The following DCTN6 variants were observed in gnomAD, a reference collection of about 807,000 sequenced individuals.
DCTN6 encodes the protein dynactin subunit 6, also known as dynactin 6.
DCTN6 carries 15 observed loss-of-function variants against 25.8 expected under a neutral mutation model. The ratio of observed to expected loss-of-function variants is 0.58; its 90% confidence interval spans 0.39 to 0.89. The LOEUF (loss-of-function observed/expected upper bound fraction) is 0.89, where lower values mean the gene tolerates loss of function less well. Among genes scored for constraint, DCTN6 ranks in the 40% least tolerant of loss-of-function variants. The pLI is 0.00. For synonymous variants in DCTN6, 64 were observed against 78.3 expected (o/e 0.82, Z 0.96); for missense variants, 198 against 237.6 (o/e 0.83, Z 1.09).
chr8:30,162,974 G>A lies in DCTN6; in HGVS notation c.24-1137G>A, dbSNP rs1803616167. 2.1e-5 allele frequency among the ~76,000 whole-genome samples: 3 copies of A among 141,904 alleles called. No homozygotes were observed. In the East Asian group the frequency reaches 6.1e-4, roughly 29 times the overall value. The allele number at this position is 141,904 out of a possible 152,430, so 93.1% of individuals were successfully genotyped here. ...ACTCTTTTTTACTTTTAACAATATA[G>A]CTTGGAGATCATTCCATATTTTTTT... On this transcript the variant is annotated intron_variant, in intron 1 of 6. Coordinates refer to ENST00000221114, the MANE Select transcript of DCTN6 (RefSeq NM_006571.4).
At chr8:30,157,333 A>G (rs191268020) in intron 1 of DCTN6, among the ~76,000 whole-genome samples, 180 of 152,288 alleles carry the variant, frequency 1.2e-3, no homozygotes, top group Non-Finnish European at 2.1e-3. Context: ...TTATCCAGTC[A>G]TCCGTTGATG....
Position 30,170,910 on chromosome 8 carries a change from C to T in DCTN6, c.89-4175C>T, listed in dbSNP as rs112118960. On this transcript the variant is annotated intron_variant, in intron 2 of 6. Transcript: ENST00000221114. ...TCGGTCTCCCAAAGTGCTGGGATTACAGATGTGAGCTACCACACCTGGCCT... is the reference window on the plus strand; with the variant it reads ...TCGGTCTCCCAAAGTGCTGGGATTATAGATGTGAGCTACCACACCTGGCCT... Among the ~76,000 whole-genome samples the T allele has an allele frequency of 9.6e-3, 1,461 of 152,232 alleles. 20 individuals are homozygous for T. The highest frequency in any genetic ancestry group is 0.065 in the South Asian group (312 of 4,804).
At chr8:30,174,104 G>A (rs1364261243) in intron 2 of DCTN6, among the ~76,000 whole-genome samples, 2 of 152,184 alleles carry the variant, frequency 1.3e-5, no homozygotes, top group African/African-American at 2.4e-5. Flanking sequence ...TAGAGGCATC[G>A]CCTCAGGGCT....
In DCTN6 at chr8:30,156,974, A is replaced by T. The variant is rs577982425; in HGVS notation, c.23+568A>T. Among the ~76,000 whole-genome samples the T allele has an allele frequency of 5.3e-5, 8 of 152,344 alleles. No homozygotes were observed. In the East Asian group the frequency reaches 1.5e-3, roughly 29 times the overall value. On this transcript the variant is annotated intron_variant, in intron 1 of 6. Transcript: ENST00000221114. ...CACACATTATATAGATGCAAGGAGT[A>T]CTTGCGCAGATTTGTTGCATAGATA...
chr8:30,161,935 G>A (rs1803602459), intron 1 of DCTN6, among the ~76,000 whole-genome samples: 1 of 150,580 alleles, frequency 6.6e-6, no homozygotes, highest in Non-Finnish European at 1.5e-5. Context: ...TTTTAGTAGA[G>A]ACGGGGTTTC....
chr8:30,166,024 A>G (rs7829853), intron 2 of DCTN6: 93,962 of 151,982 alleles, frequency 0.62, 30,743 homozygotes, highest in Middle Eastern at 0.76. Flanking sequence ...AATTTTTTAC[A>G]ATCTCTACTG....
At chr8:30,179,521 A>G (rs1431520328) in intron 5 of DCTN6, 66 bp downstream of exon 5, 19 of 1,415,346 alleles carry the variant, frequency 1.3e-5, no homozygotes, top group Admixed American at 1.9e-5. Flanking sequence ...TGTCCTGGGA[A>G]ACAACCTAAT....
intron 1 of DCTN6, among the ~76,000 whole-genome samples, chr8:30,159,768 T>C (rs1025659282): frequency 4.6e-5 from 7 of 150,972 alleles, no homozygotes; most frequent in Non-Finnish European, 1.0e-4. Flanking sequence ...GTTTTCTTTT[T>C]TTTTTTTTTT....
chr8:30,174,632 G>A (rs16876613), intron 2 of DCTN6, among the ~76,000 whole-genome samples: 4,340 of 152,212 alleles, frequency 0.029, 68 homozygotes, highest in Non-Finnish European at 0.032. Flanking sequence ...AGACTAATTC[G>A]GAGGTACACT....
intron 2 of DCTN6, among the ~76,000 whole-genome samples, chr8:30,167,183 T>A (rs1020975726): frequency 7.2e-5 from 11 of 151,810 alleles, no homozygotes; most frequent in Non-Finnish European, 1.5e-4. Flanking sequence ...AAGGGAAAAA[T>A]TAGCTGCATG....
intron 1 of DCTN6, among the ~76,000 whole-genome samples, chr8:30,163,812 C>T (rs1158377845): frequency 6.6e-6 from 1 of 151,726 alleles, no homozygotes; most frequent in Admixed American, 6.6e-5. Flanking sequence ...AAGTGATTCT[C>T]CTGCCTCAGC....
intron 2 of DCTN6, among the ~76,000 whole-genome samples, chr8:30,173,084 G>C (rs1278932224): frequency 6.6e-6 from 1 of 152,110 alleles, no homozygotes; most frequent in Non-Finnish European, 1.5e-5. Context: ...TGGAAAGCCA[G>C]AAGTGACTGA....
Position 30,177,129 on chromosome 8 carries a change from C to T in DCTN6, c.198C>T (p.Tyr66=). ...IEEQALIINA[Y]PDNITPDTED... ...GATTTGTTTCTTCTGTTTACAGTTA[C>T]CCAGATAATATCACTCCTGACACTG... is the stretch of plus-strand genomic sequence containing the variant. Residue 66 remains tyrosine (Y), a synonymous_variant, in exon 4 of 7, where the codon TAC becomes TAT. Transcript: ENST00000221114. The T allele has an allele frequency of 3.1e-6, 5 of 1,610,054 alleles. No homozygotes were observed. Among genetic ancestry groups the T allele is most frequent in the Non-Finnish European group, 4.2e-6 (5 of 1,177,794 alleles).
rs34631430 is a variant in DCTN6, at chr8:30,160,976, A to C, written c.24-3135A>C. On this transcript the variant is annotated intron_variant, in intron 1 of 6. Coordinates refer to ENST00000221114, the MANE Select transcript of DCTN6 (RefSeq NM_006571.4). ...GTTTCTATTTCCTAGACATACCTGC[A>C]GCTTCTCCTATGTGCTACCAGTGCA... Among the ~76,000 whole-genome samples, 1,101 of 152,288 alleles carry C rather than the reference A, an allele frequency of 7.2e-3. 7 individuals are homozygous for C. Among genetic ancestry groups the C allele is most frequent in the Non-Finnish European group, 0.011 (718 of 68,032 alleles).
chr8:30,161,706 A>G (rs1305684489), intron 1 of DCTN6, among the ~76,000 whole-genome samples: 2 of 151,722 alleles, frequency 1.3e-5, no homozygotes, highest in Non-Finnish European at 2.9e-5. Flanking sequence ...ATGTATGCAT[A>G]TGGTATTTAA....
chr8:30,179,359 G>A (rs1803883915), intron 4 of DCTN6, 49 bp from the exon 5 acceptor site: 4 of 1,499,176 alleles, frequency 2.7e-6, no homozygotes, highest in Non-Finnish European at 3.7e-6. Flanking sequence ...GTGTTAGTGG[G>A]GACTAAAGAT....
At chr8:30,162,781 A>G (rs1024834221) in intron 1 of DCTN6, among the ~76,000 whole-genome samples, 1 of 152,214 alleles carries the variant, frequency 6.6e-6, no homozygotes, top group Non-Finnish European at 1.5e-5. Flanking sequence ...AAAGTTTCTC[A>G]TATATGTGTA....
At chr8:30,169,065 G>A (rs1024903542) in intron 2 of DCTN6, among the ~76,000 whole-genome samples, 3 of 152,214 alleles carry the variant, frequency 2.0e-5, no homozygotes, top group African/African-American at 7.2e-5. Flanking sequence ...ATGTGAAGGC[G>A]GAACTCGGCT....
chr8:30,159,909 A>C (rs1368913809), intron 1 of DCTN6, among the ~76,000 whole-genome samples: 5 of 151,908 alleles, frequency 3.3e-5, no homozygotes, highest in Non-Finnish European at 5.9e-5. Context: ...GTACAGGTGT[A>C]AGCCACCATA....
Sources: allele counts gnomAD v4.1 joint callset (sites outside exome capture counted in the v4.1 genomes callset), GRCh38; gene constraint gnomAD v4.1.1; transcripts MANE v1.5; gene names NCBI Gene and HGNC (gene_info 2026-07-23, HGNC 2026-07-21).